GALNT2: variants seen among roughly 807,000 people sequenced by gnomAD.
The protein encoded by GALNT2 is polypeptide N-acetylgalactosaminyltransferase 2.
GALNT2 carries 31 observed loss-of-function variants against 81.4 expected under a neutral mutation model. The ratio of observed to expected loss-of-function variants is 0.38; its 90% CI spans 0.29 to 0.51. The LOEUF (loss-of-function observed/expected upper bound fraction) is 0.51, where lower values mean the gene tolerates loss of function less well. Ranked by LOEUF, GALNT2 falls within the 20% of genes least tolerant of loss-of-function variation. The pLI is 0.87. For synonymous variants in GALNT2, 303 were observed against 287.4 expected, an observed-to-expected ratio of 1.05 and a Z score of -0.55; for missense variants, 629 against 765.7, an observed-to-expected ratio of 0.82 and a Z score of 2.11.
At chr1:230,126,141 TGTGTGGGGGCAGGG>T (rs1384830177) in intron 1 of GALNT2, among the ~76,000 whole-genome samples, 1 of 151,620 alleles carries the variant, frequency 6.6e-6, no homozygotes, top group Non-Finnish European at 1.5e-5. Context: ...CCTAGATGAG[TGTGTGGGGGCAGGG>T]GTGTGGGGGC....
chr1:230,089,882 C>T (rs1312012507), intron 1 of GALNT2, among the ~76,000 whole-genome samples: 1 of 152,154 alleles, frequency 6.6e-6, no homozygotes, highest in African/African-American at 2.4e-5. Context: ...CTTCGAGACC[C>T]TGCTTTTCAT....
At chr1:230,164,735 C>T (rs11122449) in intron 1 of GALNT2, among the ~76,000 whole-genome samples, 84,830 of 151,852 alleles carry the variant, frequency 0.56, 27,874 homozygotes, top group Non-Finnish European at 0.74. Flanking sequence ...TTTCACCATG[C>T]TAGCCAGGAT....
intron 14 of GALNT2, among the ~76,000 whole-genome samples, chr1:230,273,900 C>G (rs1666215874): frequency 6.6e-6 from 1 of 152,202 alleles, no homozygotes; most frequent in Non-Finnish European, 1.5e-5. Flanking sequence ...GCTTCATGAG[C>G]ACCCATAGAT....
chr1:230,070,959 A>G lies in GALNT2; in HGVS notation c.126+3553A>G, dbSNP rs980770430. 3.3e-5 allele frequency among the ~76,000 whole-genome samples: 5 copies of G among 152,258 alleles called. No homozygotes were observed. The highest frequency in any genetic ancestry group is 1.2e-4 in the African/African-American group (5 of 41,526). ...TACCTCTTTGTGCTTAGTGACCTTC[A>G]CTGATGCATTGAACCTCTCTGACCC... On this transcript the variant is annotated intron_variant, in intron 1 of 15. Transcript: ENST00000366672. The surrounding 1 kb of genome is among the most constrained non-coding windows in gnomAD (Gnocchi z 4.7).
In GALNT2 at chr1:230,257,524, C is replaced by T. The variant is rs556105685; in HGVS notation, c.1136+2180C>T. ...GTTCAGGACAGTCATGTGCTCTACA[C>T]GTTTGTAGCCTAGAAGCAATAGGCT... On this transcript the variant is annotated intron_variant, in intron 11 of 15. Transcript: ENST00000366672. The surrounding 1 kb of genome is among the most constrained non-coding windows in gnomAD (Gnocchi z 4.6). Among the ~76,000 whole-genome samples, 3 of 152,204 alleles carry T rather than the reference C, an allele frequency of 2.0e-5. No homozygotes were observed. Among genetic ancestry groups the T allele is most frequent in the African/African-American group, 2.4e-5 (1 of 41,444 alleles).
At chr1:230,089,857 G>A (rs149481826) in intron 1 of GALNT2, among the ~76,000 whole-genome samples, 36 of 152,282 alleles carry the variant, frequency 2.4e-4, no homozygotes, top group African/African-American at 8.2e-4. Context: ...TGTGAACACA[G>A]GTGTGCACAT....
intron 2 of GALNT2, among the ~76,000 whole-genome samples, chr1:230,195,619 A>C (rs1052852689): frequency 6.6e-6 from 1 of 152,148 alleles, no homozygotes; most frequent in Admixed American, 6.5e-5. Flanking sequence ...ATGGCTAGGA[A>C]GACCAGCTTT....
intron 3 of GALNT2, among the ~76,000 whole-genome samples, chr1:230,232,787 AAAAG>A (rs2102732920): frequency 6.6e-6 from 1 of 152,304 alleles, no homozygotes; most frequent in South Asian, 2.1e-4. Flanking sequence ...AAAATTGGAA[AAAAG>A]AAAGAAAAAC....
At chr1:230,233,764 T>C (rs1664938107) in intron 3 of GALNT2, among the ~76,000 whole-genome samples, 2 of 152,228 alleles carry the variant, frequency 1.3e-5, no homozygotes. Context: ...AAATTTGTTA[T>C]TAATGTGCAA....
At chr1:230,187,772 G>A (rs1663382002) in intron 2 of GALNT2, among the ~76,000 whole-genome samples, 3 of 152,168 alleles carry the variant, frequency 2.0e-5, no homozygotes, top group Admixed American at 1.3e-4. Context: ...GGTTAAGTGG[G>A]AAGATGGTCT....
At chr1:230,209,602 G>C (rs527693980) in intron 3 of GALNT2, among the ~76,000 whole-genome samples, 1 of 152,342 alleles carries the variant, frequency 6.6e-6, no homozygotes, top group East Asian at 1.9e-4. Context: ...AGCACTTTGG[G>C]AGGCCAAGGC....
At chr1:230,174,929 C>G (rs932749417) in intron 1 of GALNT2, among the ~76,000 whole-genome samples, 1 of 152,208 alleles carries the variant, frequency 6.6e-6, no homozygotes, top group Non-Finnish European at 1.5e-5. Context: ...GTACCACTTC[C>G]GTGTACAGCC....
At chr1:230,110,566 G>A (rs1453290777) in intron 1 of GALNT2, among the ~76,000 whole-genome samples, 2 of 152,196 alleles carry the variant, frequency 1.3e-5, no homozygotes, top group African/African-American at 2.4e-5. Context: ...GTGAGTTAAT[G>A]TAACCAGAAC....
chr1:230,092,625 T>G, intron 1 of GALNT2, among the ~76,000 whole-genome samples: 1 of 152,258 alleles, frequency 6.6e-6, no homozygotes, highest in East Asian at 1.9e-4. Context: ...ATTACAGGTG[T>G]GAGCCACCGC....
intron 10 of GALNT2, among the ~76,000 whole-genome samples, chr1:230,250,789 T>C (rs141709543): frequency 1.1e-3 from 173 of 152,202 alleles, no homozygotes; most frequent in African/African-American, 3.9e-3. Context: ...ACGGATAAAG[T>C]CTTTGAAGGG....
intron 2 of GALNT2, among the ~76,000 whole-genome samples, chr1:230,188,239 G>A (rs77985851): frequency 0.022 from 3,290 of 152,274 alleles, 121 homozygotes; most frequent in African/African-American, 0.075. Context: ...TGGGGCTGCC[G>A]TGGTCACAAA....
At chr1:230,163,092 A>G (rs1237370934) in intron 1 of GALNT2, among the ~76,000 whole-genome samples, 1 of 152,234 alleles carries the variant, frequency 6.6e-6, no homozygotes, top group Non-Finnish European at 1.5e-5. Flanking sequence ...TTTCTAAGTC[A>G]GTGGACACGT....
Position 230,265,224 on chromosome 1 carries a change from C to G in GALNT2, c.1314-17C>G, listed in dbSNP as rs1189406045. 2.5e-6 allele frequency: 4 copies of G among 1,614,036 alleles called. No homozygotes were observed. The African/African-American group carries it at 5.3e-5, about 22-fold the overall frequency. On this transcript the variant is annotated splice_polypyrimidine_tract_variant and intron_variant, in intron 13 of 15. Coordinates refer to ENST00000366672, the MANE Select transcript of GALNT2 (RefSeq NM_004481.5). ...GTCATGTGCAGTGAAGCAGGTGATT[C>G]TCACGTTGTTTTTCAGGGTTCCAGA...
intron 3 of GALNT2, among the ~76,000 whole-genome samples, chr1:230,225,784 CTG>C (rs1480892416): frequency 6.6e-6 from 1 of 150,652 alleles, no homozygotes; most frequent in East Asian, 2.0e-4. Flanking sequence ...CATTAGAGAA[CTG>C]TTTCACTAAT....
Sources: allele counts gnomAD v4.1 joint callset (sites outside exome capture counted in the v4.1 genomes callset), GRCh38; gene constraint gnomAD v4.1.1; non-coding constraint Gnocchi (gnomAD v3.1); transcripts MANE v1.5; gene names NCBI Gene and HGNC (gene_info 2026-07-23, HGNC 2026-07-21).